The following SGCD variants were observed in gnomAD, a reference collection of about 807,000 sequenced individuals.
SGCD encodes the protein sarcoglycan delta, also known as delta-sarcoglycan.
Under a neutral mutation model 36.6 loss-of-function variants are expected in SGCD, and 18 were observed. The ratio of observed to expected loss-of-function variants is 0.49; its 90% CI spans 0.34 to 0.73. The LOEUF (loss-of-function observed/expected upper bound fraction) is 0.73. SGCD is among the 30% of genes least tolerant of loss of function. The pLI is 0.01. For missense variants in SGCD, 387 were observed against 346.7 expected, an observed-to-expected ratio of 1.12 and a Z score of -0.92; for synonymous variants, 133 against 130.6, an observed-to-expected ratio of 1.02 and a Z score of -0.12.
intron 4 of SGCD, among the ~76,000 whole-genome samples, chr5:156,528,593 A>G (rs1477470826): frequency 6.6e-6 from 1 of 152,208 alleles, no homozygotes; most frequent in Non-Finnish European, 1.5e-5. Flanking sequence ...GCTACATACT[A>G]AGTATTCAAC....
intron 7 of SGCD, among the ~76,000 whole-genome samples, chr5:156,712,632 C>T (rs959086584): frequency 2.6e-5 from 4 of 152,130 alleles, no homozygotes; most frequent in South Asian, 2.1e-4. Flanking sequence ...TCAGGAAACA[C>T]TAGAGGCAAG....
intron 1 of SGCD, among the ~76,000 whole-genome samples, chr5:156,089,804 T>C (rs1029080773): frequency 2.0e-5 from 3 of 152,194 alleles, no homozygotes; most frequent in Non-Finnish European, 4.4e-5. Context: ...CTGAGGTAAG[T>C]CCATATTAGG....
the SGCD span, among the ~76,000 whole-genome samples, chr5:155,780,165 A>C: frequency 2.1e-4 from 32 of 152,146 alleles, no homozygotes; most frequent in Admixed American, 2.0e-3. Flanking sequence ...CTGTTTCTCC[A>C]TCTGATTATA....
At chr5:156,301,268 T>C (rs1415828745) in intron 3 of SGCD, among the ~76,000 whole-genome samples, 1 of 152,030 alleles carries the variant, frequency 6.6e-6, no homozygotes, top group African/African-American at 2.4e-5. Context: ...TTGTAGGTTT[T>C]TATATTTGAG....
At chr5:156,348,287 A>T (rs1301215520) in intron 3 of SGCD, among the ~76,000 whole-genome samples, 2 of 152,192 alleles carry the variant, frequency 1.3e-5, no homozygotes, top group Non-Finnish European at 2.9e-5. Flanking sequence ...AATAAAGGGC[A>T]TCCAAATTGG....
At chr5:156,489,158 A>C (rs538438019) in intron 3 of SGCD, among the ~76,000 whole-genome samples, 59 of 152,260 alleles carry the variant, frequency 3.9e-4, no homozygotes, top group African/African-American at 1.3e-3. Flanking sequence ...CAAAAGGATC[A>C]ATTCAGCAAG....
At chr5:155,728,401 A>AGGCGAGCCT in the SGCD span, among the ~76,000 whole-genome samples, 1 of 152,188 alleles carries the variant, frequency 6.6e-6, no homozygotes, top group Admixed American at 6.5e-5. Context: ...CTCTGGTCCC[A>AGGCGAGCCT]GGCGAGCCTG....
At chr5:156,194,224 C>T (rs1763966391) in intron 3 of SGCD, among the ~76,000 whole-genome samples, 1 of 151,846 alleles carries the variant, frequency 6.6e-6, no homozygotes, top group Non-Finnish European at 1.5e-5. Flanking sequence ...ACAAAAAATA[C>T]AAAAATTAGC....
chr5:155,757,630 G>A, the SGCD span, among the ~76,000 whole-genome samples: 447 of 152,280 alleles, frequency 2.9e-3, 2 homozygotes, highest in Non-Finnish European at 4.6e-3. Flanking sequence ...TTGTGGTTGA[G>A]GCTAAGAACT....
chr5:156,561,241 C>G (rs1337765329), intron 4 of SGCD, among the ~76,000 whole-genome samples: 1 of 152,162 alleles, frequency 6.6e-6, no homozygotes, highest in African/African-American at 2.4e-5. Context: ...GTTTCCCTAT[C>G]TGTAATTTAT....
intron 1 of SGCD, among the ~76,000 whole-genome samples, chr5:155,963,817 A>G (rs762665052): frequency 6.6e-6 from 1 of 152,040 alleles, no homozygotes; most frequent in Admixed American, 6.6e-5. Context: ...TTTTTTTATA[A>G]TTTATCTTTT....
chr5:156,355,562 T>C (rs978011323), intron 3 of SGCD, among the ~76,000 whole-genome samples: 8 of 152,212 alleles, frequency 5.3e-5, no homozygotes, highest in African/African-American at 1.9e-4. Flanking sequence ...GCAGGGACTG[T>C]TTCTGAGCCA....
At chr5:155,779,017 T>C in the SGCD span, among the ~76,000 whole-genome samples, 1 of 152,194 alleles carries the variant, frequency 6.6e-6, no homozygotes, top group African/African-American at 2.4e-5. Context: ...GGGAAAATTG[T>C]ATTGCCATCT....
intron 1 of SGCD, among the ~76,000 whole-genome samples, chr5:155,936,536 A>G (rs1299121816): frequency 6.6e-6 from 1 of 152,102 alleles, no homozygotes; most frequent in Non-Finnish European, 1.5e-5. Flanking sequence ...CTTCAGGTTG[A>G]GTGCTCAAGT....
chr5:156,763,982 A>G lies in SGCD; in HGVS notation c.*4592A>G, dbSNP rs1378824055. 1.3e-5 allele frequency: 2 copies of G among 152,142 alleles called. No homozygotes were observed. Among genetic ancestry groups the G allele is most frequent in the Non-Finnish European group, 2.9e-5 (2 of 68,018 alleles). 9.4% of individuals were successfully genotyped at this position (152,142 alleles called of 1,614,324 possible). On this transcript the variant is annotated 3_prime_UTR_variant, in exon 9 of 9. Transcript: ENST00000337851. ...GTAAATAGATCCATTCCAGCACCTG[A>G]TACTGATTTTTCAAGGCTCTATGAA... is the stretch of plus-strand genomic sequence containing the variant.
intron 3 of SGCD, among the ~76,000 whole-genome samples, chr5:156,467,192 T>A (rs1455662647): frequency 6.6e-6 from 1 of 152,204 alleles, no homozygotes; most frequent in African/African-American, 2.4e-5. Context: ...ATAGGCCTTA[T>A]TTTCTGGCTC....
At chr5:156,689,098 C>A (rs1235201564) in intron 7 of SGCD, among the ~76,000 whole-genome samples, 1 of 152,094 alleles carries the variant, frequency 6.6e-6, no homozygotes, top group Non-Finnish European at 1.5e-5. Flanking sequence ...CAAATAAAGT[C>A]TGTAGTTTAG....
chr5:156,766,725 A>G lies in SGCD; in HGVS notation c.*7335A>G, dbSNP rs1001518395. ...AGGGTTTGATCTGTAAGAGTTAAAA[A>G]GACAAAGTCATTTTGAAGAATTAAC... On this transcript the variant is annotated 3_prime_UTR_variant, in exon 9 of 9. Coordinates refer to ENST00000337851, the MANE Select transcript of SGCD (RefSeq NM_000337.6). The G allele has an allele frequency of 3.3e-5, 5 of 151,788 alleles. 1 individual carries two copies. Among genetic ancestry groups the G allele is most frequent in the African/African-American group, 1.2e-4 (5 of 41,264 alleles). 9.4% of individuals were successfully genotyped at this position (151,788 alleles called of 1,614,324 possible). A position where few individuals can be genotyped will look rare whatever the true frequency, so the allele number is the denominator to read the frequency against.
intron 1 of SGCD, among the ~76,000 whole-genome samples, chr5:155,950,258 C>T (rs1484415338): frequency 1.3e-5 from 2 of 152,144 alleles, no homozygotes; most frequent in Non-Finnish European, 2.9e-5. Flanking sequence ...CCCCTACCTG[C>T]TTTGTCTAGT....
Sources: gnomAD v4.1 joint callset for allele counts (sites outside exome capture counted in the v4.1 genomes callset) on GRCh38, gnomAD v4.1.1 for gene constraint, MANE v1.5 for transcripts, NCBI Gene and HGNC (gene_info 2026-07-23, HGNC 2026-07-21) for gene names.